The following GRIA2 variants were observed in gnomAD, a reference collection of about 807,000 sequenced individuals.
The protein encoded by GRIA2 is glutamate receptor 2.
GRIA2 carries 14 observed loss-of-function variants against 97.3 expected under a neutral mutation model. That is an observed-to-expected ratio of 0.14 (90% CI 0.10 to 0.23). The LOEUF (loss-of-function observed/expected upper bound fraction) is 0.23, where lower values mean the gene tolerates loss of function less well. GRIA2 is among the 10% of genes least tolerant of loss of function. The probability of loss-of-function intolerance (pLI) is 1.00; values close to 1 mark genes in which losing one functional copy is unlikely to be tolerated. For missense variants in GRIA2, 558 were observed against 1,069.8 expected, an observed-to-expected ratio of 0.52 and a Z score of 6.67; for synonymous variants, 412 against 387.8, an observed-to-expected ratio of 1.06 and a Z score of -0.73.
At chr4:157,355,751 TAC>T (rs1448125231) in intron 12 of GRIA2, among the ~76,000 whole-genome samples, 3 of 43,328 alleles carry the variant, frequency 6.9e-5, no homozygotes, top group South Asian at 1.4e-3. Flanking sequence ...TTTATATATT[TAC>T]ATATATTAGT....
intron 11 of GRIA2, among the ~76,000 whole-genome samples, chr4:157,338,052 A>G (rs1161661491): frequency 8.7e-4 from 4 of 4,596 alleles, no homozygotes; most frequent in Non-Finnish European, 9.6e-3. Flanking sequence ...ATATATATAC[A>G]CACACATTTT....
At chr4:157,246,942 A>T (rs1273054525) in intron 2 of GRIA2, among the ~76,000 whole-genome samples, 1 of 152,180 alleles carries the variant, frequency 6.6e-6, no homozygotes, top group African/African-American at 2.4e-5. Context: ...TAGTGGTAAA[A>T]AATGAAGGCT....
At chr4:157,343,691 C>A (rs931443204) in intron 12 of GRIA2, among the ~76,000 whole-genome samples, 1 of 151,962 alleles carries the variant, frequency 6.6e-6, no homozygotes, top group Non-Finnish European at 1.5e-5. Flanking sequence ...TGTTTAAAAT[C>A]ACATTATTCT....
chr4:157,355,942 A>T lies in GRIA2; in HGVS notation c.2044-3954A>T, dbSNP rs1164436933. On this transcript the variant is annotated intron_variant, in intron 12 of 15. Coordinates refer to ENST00000264426, the MANE Select transcript of GRIA2 (RefSeq NM_001083619.3). ...ATATATTTATATATATTTATATATT[A>T]ATATATATTTATATATTTATGTATA... is the stretch of plus-strand genomic sequence containing the variant. Among the ~76,000 whole-genome samples, 20 of 3,740 alleles carry T rather than the reference A, an allele frequency of 5.3e-3. 1 individual carries two copies. The highest frequency in any genetic ancestry group is 0.052 in the South Asian group (3 of 58). 2.5% of individuals were successfully genotyped at this position (3,740 alleles called of 152,430 possible). A position where few individuals can be genotyped will look rare whatever the true frequency, so the allele number is the denominator to read the frequency against.
intron 8 of GRIA2, 104 bp from the exon 9 acceptor site, chr4:157,333,906 T>C (rs906108718): frequency 9.1e-6 from 6 of 661,136 alleles, no homozygotes; most frequent in Non-Finnish European, 1.4e-5. Context: ...GTCCAGTAAA[T>C]GTGGTTCTAA....
chr4:157,241,868 C>T (rs9307959), intron 2 of GRIA2, among the ~76,000 whole-genome samples: 52,628 of 151,870 alleles, frequency 0.35, 9,529 homozygotes, highest in African/African-American at 0.45. Flanking sequence ...CAAAAAGTAA[C>T]ACTGAGCATT....
intron 2 of GRIA2, among the ~76,000 whole-genome samples, chr4:157,255,975 T>A (rs1263505461): frequency 3.3e-5 from 5 of 150,800 alleles, no homozygotes; most frequent in Non-Finnish European, 1.5e-5. Context: ...GTACATGTAG[T>A]TTTATATACA....
chr4:157,287,303 C>T (rs1205439146), intron 2 of GRIA2, among the ~76,000 whole-genome samples: 1 of 151,562 alleles, frequency 6.6e-6, no homozygotes, highest in Non-Finnish European at 1.5e-5. Context: ...ATCTTATTTA[C>T]TCTTTAAAGA....
intron 2 of GRIA2, among the ~76,000 whole-genome samples, chr4:157,244,681 A>C (rs990905911): frequency 6.6e-6 from 1 of 152,034 alleles, no homozygotes; most frequent in Non-Finnish European, 1.5e-5. Context: ...TATTACTCAG[A>C]ACCTTTAAAG....
chr4:157,236,740 ATT>A (rs1730267053), intron 2 of GRIA2, among the ~76,000 whole-genome samples: 1 of 152,102 alleles, frequency 6.6e-6, no homozygotes, highest in African/African-American at 2.4e-5. Context: ...TATTGTTTAC[ATT>A]TACTATGGTA....
intron 2 of GRIA2, among the ~76,000 whole-genome samples, chr4:157,294,232 A>G (rs1220408594): frequency 6.6e-6 from 1 of 152,118 alleles, no homozygotes; most frequent in Middle Eastern, 3.4e-3. Context: ...ATAAATTTTA[A>G]GTAGAAATCT....
chr4:157,355,990 T>C (rs1271222686), intron 12 of GRIA2, among the ~76,000 whole-genome samples: 21 of 83,016 alleles, frequency 2.5e-4, no homozygotes, highest in Non-Finnish European at 4.0e-4. Flanking sequence ...TTTATATATT[T>C]ATATATATTT....
chr4:157,271,197 TA>T (rs1198523276), intron 2 of GRIA2, among the ~76,000 whole-genome samples: 1 of 152,052 alleles, frequency 6.6e-6, no homozygotes, highest in African/African-American at 2.4e-5. Flanking sequence ...GGGGTTTCCC[TA>T]CACACCAAGC....
intron 12 of GRIA2, among the ~76,000 whole-genome samples, chr4:157,348,704 A>AT (rs1436363686): frequency 6.6e-6 from 1 of 152,116 alleles, no homozygotes; most frequent in East Asian, 1.9e-4. Context: ...TCTCTCTCAG[A>AT]TTTTTTAGTC....
At chr4:157,312,901 A>T (rs777246921) in intron 4 of GRIA2, 26 bp downstream of exon 4, 2 of 1,338,174 alleles carry the variant, frequency 1.5e-6, no homozygotes, top group Admixed American at 3.9e-5. Context: ...TTTTCTAATG[A>T]TGCCAGATAT....
intron 14 of GRIA2, 38 bp from the exon 15 acceptor site, chr4:157,362,761 T>A (rs1289983429): frequency 6.4e-7 from 1 of 1,570,508 alleles, no homozygotes; most frequent in African/African-American, 1.4e-5. Context: ...TTCACCAGTT[T>A]GCCTTCCTAA....
At chr4:157,301,846 C>G (rs1380349592) in intron 2 of GRIA2, among the ~76,000 whole-genome samples, 1 of 151,846 alleles carries the variant, frequency 6.6e-6, no homozygotes, top group Non-Finnish European at 1.5e-5. Context: ...GAAATGACCC[C>G]GAGATTGAGA....
chr4:157,238,954 C>G (rs1050718469), intron 2 of GRIA2, among the ~76,000 whole-genome samples: 3 of 152,054 alleles, frequency 2.0e-5, no homozygotes, highest in Non-Finnish European at 4.4e-5. Context: ...TATGTTTCTT[C>G]TTTCATAAAC....
chr4:157,277,910 G>A (rs558763238), intron 2 of GRIA2, among the ~76,000 whole-genome samples: 4 of 139,850 alleles, frequency 2.9e-5, no homozygotes, highest in African/African-American at 7.9e-5. Flanking sequence ...ATGTATATAT[G>A]TATATATATG....
Sources: gnomAD v4.1 joint callset for allele counts (sites outside exome capture counted in the v4.1 genomes callset) on GRCh38, gnomAD v4.1.1 for gene constraint, MANE v1.5 for transcripts, NCBI Gene and HGNC (gene_info 2026-07-23, HGNC 2026-07-21) for gene names.